Variants in CLOCK observed in about 807,000 individuals in gnomAD.
CLOCK encodes the protein circadian locomoter output cycles protein kaput.
In CLOCK, 43 loss-of-function variants were observed where a neutral mutation model predicts 118.4. That is an observed-to-expected ratio of 0.36 (90% CI 0.28 to 0.47). The LOEUF (loss-of-function observed/expected upper bound fraction) is 0.47. Ranked by LOEUF, CLOCK falls within the 20% of genes least tolerant of loss-of-function variation. The pLI, the probability that CLOCK is intolerant of heterozygous loss-of-function variation, is 1.00. For synonymous variants in CLOCK, 326 were observed against 339.2 expected (o/e 0.96, Z 0.43); for missense variants, 846 against 999.9 (o/e 0.85, Z 2.08).
intron 21 of CLOCK, among the ~76,000 whole-genome samples, chr4:55,439,734 C>G (rs1183638639): frequency 6.6e-6 from 1 of 152,092 alleles, no homozygotes; most frequent in Non-Finnish European, 1.5e-5. Flanking sequence ...GAACATTATC[C>G]TAAGTAAAAT....
chr4:55,498,683 G>A (rs551712133), intron 2 of CLOCK, among the ~76,000 whole-genome samples: 1 of 151,972 alleles, frequency 6.6e-6, no homozygotes, highest in African/African-American at 2.4e-5. Context: ...GAAAATGGCA[G>A]GCCAAGACCA....
At chr4:55,475,849 G>T in intron 7 of CLOCK, 114 bp downstream of exon 7, 2 of 706,558 alleles carry the variant, frequency 2.8e-6, no homozygotes, top group Non-Finnish European at 5.1e-6. Flanking sequence ...TAGCTTTATT[G>T]CAGTGGTCTG....
At chr4:55,539,653 T>C (rs1440042893) in intron 1 of CLOCK, among the ~76,000 whole-genome samples, 2 of 146,686 alleles carry the variant, frequency 1.4e-5, no homozygotes, top group Non-Finnish European at 3.0e-5. Context: ...TCACTGATAC[T>C]AGGTAGGCCA....
In CLOCK at chr4:55,438,411, T is replaced by C; in HGVS notation, c.2232A>G (p.Gln744=). 1 of 1,613,888 alleles carries C rather than the reference T, an allele frequency of 6.2e-7. No homozygotes were observed. Among genetic ancestry groups the C allele is most frequent in the Non-Finnish European group, 8.5e-7 (1 of 1,179,980 alleles). ...CTGACAATGTCTGTGACTGTTGCTG[T>C]TGTGTAGCAAAAGTAGGATATGCAG... is the stretch of plus-strand genomic sequence containing the variant. ...VVTAYPTFAT[Q]QQQSQTLSVT... The change falls in exon 22 of 23, where the codon CAA becomes CAG. Residue 744 remains glutamine, a synonymous_variant. Transcript: ENST00000513440.
intron 11 of CLOCK, among the ~76,000 whole-genome samples, chr4:55,456,812 G>A (rs1577715058): frequency 6.6e-6 from 1 of 151,996 alleles, no homozygotes; most frequent in Non-Finnish European, 1.5e-5. Context: ...CCAAGTAGCT[G>A]GGACTATAGG....
At chr4:55,489,020 T>G (rs772434091) in intron 3 of CLOCK, among the ~76,000 whole-genome samples, 16 of 152,318 alleles carry the variant, frequency 1.1e-4, no homozygotes, top group Non-Finnish European at 2.2e-4. Context: ...GGCACAAGCC[T>G]TACAGTGCCC....
chr4:55,542,403 A>T lies in CLOCK; in HGVS notation c.-290+4379T>A, dbSNP rs970022168. Among the ~76,000 whole-genome samples, 10 of 142,048 alleles carry T rather than the reference A, an allele frequency of 7.0e-5. No homozygotes were observed. In the South Asian group the frequency reaches 2.3e-3, roughly 33 times the overall value. The allele number at this position is 142,048 out of a possible 152,430, so 93.2% of individuals were successfully genotyped here. A position where few individuals can be genotyped will look rare whatever the true frequency, so the allele number is the denominator to read the frequency against. The stretch of plus-strand genomic sequence containing the variant: ...AATATTATTATTATTATTATTATTA[A>T]TGTCTATGCTGTTTTAACCATACTA... On this transcript the variant is annotated intron_variant, in intron 1 of 22. Transcript: ENST00000513440.
chr4:55,499,163 C>CA (rs1417368025), intron 2 of CLOCK, among the ~76,000 whole-genome samples: 1 of 90,794 alleles, frequency 1.1e-5, no homozygotes, highest in Non-Finnish European at 2.1e-5. Context: ...TGGATCATCT[C>CA]AGAGTTGTCA....
intron 2 of CLOCK, among the ~76,000 whole-genome samples, chr4:55,500,757 G>A (rs574548804): frequency 3.9e-5 from 6 of 152,260 alleles, no homozygotes; most frequent in Admixed American, 2.0e-4. Context: ...TAGTAGTCAC[G>A]ACTAATTGTT....
intron 15 of CLOCK, chr4:55,452,789 A>G (rs1159565471): frequency 3.7e-6 from 1 of 272,188 alleles, no homozygotes; most frequent in East Asian, 7.4e-5. Context: ...CATAATTCAT[A>G]TAAATAACCT....
intron 1 of CLOCK, among the ~76,000 whole-genome samples, chr4:55,544,620 A>G (rs1451242583): frequency 6.6e-6 from 1 of 152,254 alleles, no homozygotes; most frequent in East Asian, 1.9e-4. Context: ...AAGCAATCAT[A>G]TTGAAAATGA....
At position 55,519,635 on chromosome 4, in the gene CLOCK, G is replaced by A. The variant is rs761104647; in HGVS notation, c.-289-9570C>T. ...AAATACAAAAATACAAAAATTAGCCGGGCGTGGTGGTGCACTTCTGTAATC... is the reference window on the plus strand; with the variant it reads ...AAATACAAAAATACAAAAATTAGCCAGGCGTGGTGGTGCACTTCTGTAATC... On this transcript the variant is annotated intron_variant, in intron 1 of 22. Transcript: ENST00000513440. Among the ~76,000 whole-genome samples the A allele has an allele frequency of 2.2e-4, 33 of 151,988 alleles. No individual in the cohort carries two copies. In the East Asian group the frequency reaches 5.8e-3, roughly 27 times the overall value.
intron 18 of CLOCK, 82 bp downstream of exon 18, chr4:55,448,697 C>T: frequency 8.7e-7 from 1 of 1,146,258 alleles, no homozygotes; most frequent in South Asian, 1.3e-5. Flanking sequence ...GCCAGCAAGC[C>T]TGGATTTTTA....
intron 13 of CLOCK, among the ~76,000 whole-genome samples, chr4:55,455,141 A>C (rs1406542003): frequency 1.3e-5 from 2 of 152,204 alleles, no homozygotes; most frequent in Non-Finnish European, 2.9e-5. Flanking sequence ...AGCTTTAGTG[A>C]ACACTCAAGA....
intron 6 of CLOCK, among the ~76,000 whole-genome samples, chr4:55,477,274 C>A (rs1726580491): frequency 6.6e-6 from 1 of 151,964 alleles, no homozygotes; most frequent in Admixed American, 6.6e-5. Flanking sequence ...ATATGCATTT[C>A]ATTTCATTCA....
At chr4:55,450,718 G>A (rs1460487358) in intron 15 of CLOCK, among the ~76,000 whole-genome samples, 2 of 151,744 alleles carry the variant, frequency 1.3e-5, no homozygotes, top group African/African-American at 2.4e-5. Context: ...GTAGTGAGCC[G>A]AGATCCTGCC....
chr4:55,435,663 A>T (rs1722821469), intron 22 of CLOCK, 69 bp from the exon 23 acceptor site: 1 of 1,488,110 alleles, frequency 6.7e-7, no homozygotes, highest in Non-Finnish European at 9.4e-7. Flanking sequence ...AGTTACTCAC[A>T]CTCTCCCCTG....
At chr4:55,526,300 G>A (rs190437834) in intron 1 of CLOCK, among the ~76,000 whole-genome samples, 8 of 152,026 alleles carry the variant, frequency 5.3e-5, no homozygotes, top group African/African-American at 1.9e-4. Flanking sequence ...ACATAAATAG[G>A]CAAAAATCAT....
At chr4:55,499,083 T>G (rs1728268458) in intron 2 of CLOCK, among the ~76,000 whole-genome samples, 1 of 152,200 alleles carries the variant, frequency 6.6e-6, no homozygotes, top group Admixed American at 6.5e-5. Flanking sequence ...TTTACACTCC[T>G]TTCAGAAGTG....
Sources: allele counts gnomAD v4.1 joint callset (sites outside exome capture counted in the v4.1 genomes callset), GRCh38; gene constraint gnomAD v4.1.1; transcripts MANE v1.5; gene names NCBI Gene and HGNC (gene_info 2026-07-23, HGNC 2026-07-21).